Variants in KCNIP4 observed in about 807,000 individuals in gnomAD.
The protein encoded by KCNIP4 is Kv channel-interacting protein 4.
A neutral mutation model predicts 34.0 loss-of-function variants in KCNIP4; 12 were observed. The ratio of observed to expected loss-of-function variants is 0.35; its 90% confidence interval spans 0.23 to 0.57. The LOEUF (loss-of-function observed/expected upper bound fraction) is 0.57, where lower values mean the gene tolerates loss of function less well. Among genes scored for constraint, KCNIP4 ranks in the 20% least tolerant of loss-of-function variants. The pLI, the probability that KCNIP4 is intolerant of heterozygous loss-of-function variation, is 0.83. For synonymous variants in KCNIP4, 124 were observed against 102.2 expected, an observed-to-expected ratio of 1.21 and a Z score of -1.29; for missense variants, 238 against 311.7, an observed-to-expected ratio of 0.76 and a Z score of 1.78.
At chr4:21,053,846 T>G (rs1743151444) in intron 1 of KCNIP4, among the ~76,000 whole-genome samples, 1 of 152,132 alleles carries the variant, frequency 6.6e-6, no homozygotes, top group Non-Finnish European at 1.5e-5. Flanking sequence ...AAAACTCCGA[T>G]GAACAAAATC....
At chr4:21,357,167 A>C (rs925055906) in intron 1 of KCNIP4, among the ~76,000 whole-genome samples, 1 of 152,234 alleles carries the variant, frequency 6.6e-6, no homozygotes, top group Non-Finnish European at 1.5e-5. Context: ...AAATTAATTC[A>C]AGATGGATTG....
intron 1 of KCNIP4, among the ~76,000 whole-genome samples, chr4:21,522,466 A>C (rs1352328264): frequency 2.0e-5 from 3 of 152,180 alleles, no homozygotes; most frequent in African/African-American, 7.2e-5. Context: ...TCCTGGGCTC[A>C]AGCGATCTTC....
At position 21,564,601 on chromosome 4, in the gene KCNIP4, A is replaced by G. The variant is rs562816616; in HGVS notation, c.61+383970T>C. Among the ~76,000 whole-genome samples, 188 of 152,180 alleles carry G rather than the reference A, an allele frequency of 1.2e-3. 1 individual carries two copies. Among genetic ancestry groups the G allele is most frequent in the African/African-American group, 4.3e-3 (178 of 41,540 alleles). On this transcript the variant is annotated intron_variant, in intron 1 of 8. Transcript: ENST00000382152. Reference sequence around the variant, plus strand: ...TATAATTCAGATAAATGTGGAGAAAATTTGTAATTCCGTGTCTTAGTCTGT... The same window carrying G: ...TATAATTCAGATAAATGTGGAGAAAGTTTGTAATTCCGTGTCTTAGTCTGT...
At chr4:21,462,765 T>TTGTGTGTG (rs57124779) in intron 1 of KCNIP4, among the ~76,000 whole-genome samples, 53 of 145,770 alleles carry the variant, frequency 3.6e-4, no homozygotes, top group East Asian at 1.4e-3. Flanking sequence ...TAGTATTCCA[T>TTGTGTGTG]TGTGTGTGTG....
At chr4:21,513,659 C>A (rs889910083) in intron 1 of KCNIP4, among the ~76,000 whole-genome samples, 1 of 152,198 alleles carries the variant, frequency 6.6e-6, no homozygotes. Flanking sequence ...ATAGGCAGAA[C>A]CTTCAGCCTT....
chr4:21,847,765 T>C (rs1279813251), intron 1 of KCNIP4: 1 of 152,164 alleles, frequency 6.6e-6, no homozygotes. Context: ...TTCACCTTTT[T>C]TTATCTTTTC....
intron 1 of KCNIP4, among the ~76,000 whole-genome samples, chr4:21,605,492 T>A (rs1201074050): frequency 6.6e-6 from 1 of 152,196 alleles, no homozygotes; most frequent in Non-Finnish European, 1.5e-5. Context: ...TTTACAATTT[T>A]TTTTTTGAGA....
rs560326071 is a variant in KCNIP4 at position 20,885,226 on chromosome 4, C to T, written c.62-2517G>A. 2.0e-3 allele frequency among the ~76,000 whole-genome samples: 297 copies of T among 152,054 alleles called. 1 individual carries two copies. The highest frequency in any genetic ancestry group is 6.9e-3 in the African/African-American group (285 of 41,462). On this transcript the variant is annotated intron_variant, in intron 1 of 8. Transcript: ENST00000382152. ...CACCAGGTTAGGAGGATGAGAGGAG[C>T]GTGAATTCTGCTAAGGTGTAGCCAT...
intron 1 of KCNIP4, among the ~76,000 whole-genome samples, chr4:21,390,374 G>C (rs1722456024): frequency 6.6e-6 from 1 of 152,160 alleles, no homozygotes; most frequent in Non-Finnish European, 1.5e-5. Context: ...TGAAGTCCTT[G>C]CCCATGCCTA....
At chr4:21,562,761 C>A (rs888714059) in intron 1 of KCNIP4, among the ~76,000 whole-genome samples, 1 of 151,882 alleles carries the variant, frequency 6.6e-6, no homozygotes, top group Non-Finnish European at 1.5e-5. Context: ...TTTGTCCACA[C>A]GCAGGGATTT....
chr4:20,777,717 G>A (rs1296720877), intron 3 of KCNIP4, among the ~76,000 whole-genome samples: 1 of 152,172 alleles, frequency 6.6e-6, no homozygotes. Context: ...AAAAGTGGAG[G>A]TTGTAGATTG....
chr4:21,740,472 GC>G (rs1187129348), intron 1 of KCNIP4, among the ~76,000 whole-genome samples: 2 of 151,096 alleles, frequency 1.3e-5, no homozygotes, highest in African/African-American at 4.9e-5. Context: ...TATCACATGT[GC>G]CAGGAACTGA....
At position 20,886,499 on chromosome 4, in the gene KCNIP4, A is replaced by G. The variant is rs28450221; in HGVS notation, c.62-3790T>C. Among the ~76,000 whole-genome samples, 1,380 of 152,310 alleles carry G rather than the reference A, an allele frequency of 9.1e-3. 23 individuals carry two copies. Among genetic ancestry groups the G allele is most frequent in the African/African-American group, 0.031 (1,307 of 41,564 alleles). On this transcript the variant is annotated intron_variant, in intron 1 of 8. Transcript: ENST00000382152. The stretch of plus-strand genomic sequence containing the variant: ...TGGGTTATTGACTAAGGGCTGGGAT[A>G]TGCACGATATCCAAGGCTTCCCAAT...
At chr4:20,996,789 C>T (rs144369776) in intron 1 of KCNIP4, among the ~76,000 whole-genome samples, 2 of 151,944 alleles carry the variant, frequency 1.3e-5, no homozygotes, top group African/African-American at 4.8e-5. Context: ...CCTCTTAGCA[C>T]GTTCATTTCC....
chr4:21,712,766 C>A (rs974766125), intron 1 of KCNIP4, among the ~76,000 whole-genome samples: 1 of 152,048 alleles, frequency 6.6e-6, no homozygotes, highest in Non-Finnish European at 1.5e-5. Flanking sequence ...AGTAAATTTT[C>A]CATTCAGAGA....
chr4:20,891,298 A>G (rs1725887896), intron 1 of KCNIP4, among the ~76,000 whole-genome samples: 1 of 152,154 alleles, frequency 6.6e-6, no homozygotes, highest in South Asian at 2.1e-4. Context: ...GTGTCTTCCC[A>G]TGAATCAATA....
intron 1 of KCNIP4, among the ~76,000 whole-genome samples, chr4:21,684,189 T>C (rs1247101184): frequency 6.6e-6 from 1 of 152,170 alleles, no homozygotes; most frequent in Non-Finnish European, 1.5e-5. Context: ...ACTGCTATCA[T>C]GTTAAATGAA....
chr4:20,987,044 A>G (rs546722078), intron 1 of KCNIP4, among the ~76,000 whole-genome samples: 2 of 152,228 alleles, frequency 1.3e-5, no homozygotes, highest in African/African-American at 4.8e-5. Context: ...ACAGCACCAT[A>G]AGAGGAGTTT....
At chr4:20,748,441 A>G (rs981120724) in intron 5 of KCNIP4, among the ~76,000 whole-genome samples, 3 of 151,310 alleles carry the variant, frequency 2.0e-5, no homozygotes, top group African/African-American at 7.3e-5. Flanking sequence ...TGCCAGTACC[A>G]TTTCCTTGCT....
Sources: gnomAD v4.1 joint callset for allele counts (sites outside exome capture counted in the v4.1 genomes callset) on GRCh38, gnomAD v4.1.1 for gene constraint, MANE v1.5 for transcripts, NCBI Gene and HGNC (gene_info 2026-07-23, HGNC 2026-07-21) for gene names.